Variants in SORCS2 observed in about 807,000 individuals in gnomAD.
SORCS2 encodes sortilin related VPS10 domain containing receptor 2.
Under a neutral mutation model 141.6 loss-of-function variants are expected in SORCS2, and 100 were observed. The observed-to-expected ratio is 0.71, with a 90% CI of 0.60 to 0.83. SORCS2 has a LOEUF of 0.83. Ranked by LOEUF, SORCS2 falls within the 40% of genes least tolerant of loss-of-function variation. SORCS2 has a pLI of 0.00. For synonymous variants in SORCS2, 789 were observed against 676.9 expected (o/e 1.17, Z -2.57); for missense variants, 1,646 against 1,560.2 (o/e 1.05, Z -0.93).
At chr4:7,277,921 G>T (rs1472531697) in intron 1 of SORCS2, among the ~76,000 whole-genome samples, 1 of 152,198 alleles carries the variant, frequency 6.6e-6, no homozygotes, top group East Asian at 1.9e-4. Flanking sequence ...GGGGGAGGCT[G>T]TACCCACTGG....
At chr4:7,306,077 G>C (rs910282068) in intron 1 of SORCS2, among the ~76,000 whole-genome samples, 2 of 152,210 alleles carry the variant, frequency 1.3e-5, no homozygotes, top group African/African-American at 2.4e-5. Flanking sequence ...GAGCTGGGGA[G>C]AGGCTAGTGG....
intron 2 of SORCS2, among the ~76,000 whole-genome samples, chr4:7,528,086 C>T (rs1733812061): frequency 7.0e-6 from 1 of 143,758 alleles, no homozygotes; most frequent in Non-Finnish European, 1.5e-5. Flanking sequence ...GCCAGCCTGT[C>T]ACCCCCATGA....
At chr4:7,371,214 C>A (rs764719159) in intron 1 of SORCS2, among the ~76,000 whole-genome samples, 1 of 152,130 alleles carries the variant, frequency 6.6e-6, no homozygotes, top group Non-Finnish European at 1.5e-5. Flanking sequence ...CTATGGGGAT[C>A]GTGCCCACGT....
chr4:7,707,244 C>T (rs1407942035), intron 14 of SORCS2, among the ~76,000 whole-genome samples: 2 of 152,218 alleles, frequency 1.3e-5, no homozygotes, highest in East Asian at 3.9e-4. Flanking sequence ...GGCAACACAG[C>T]ACACTCAGCC....
chr4:7,304,811 C>T (rs1471879445), intron 1 of SORCS2, among the ~76,000 whole-genome samples: 2 of 152,338 alleles, frequency 1.3e-5, no homozygotes, highest in South Asian at 2.1e-4. Flanking sequence ...AATCAAGCCC[C>T]ATTCATTGCT....
At chr4:7,422,011 AGG>A (rs1726104166) in intron 2 of SORCS2, among the ~76,000 whole-genome samples, 1 of 152,068 alleles carries the variant, frequency 6.6e-6, no homozygotes, top group African/African-American at 2.4e-5. Flanking sequence ...CTGAAGTGGG[AGG>A]GGTTGAACCA....
chr4:7,635,976 G>A (rs1419922149), intron 3 of SORCS2, among the ~76,000 whole-genome samples: 1 of 152,202 alleles, frequency 6.6e-6, no homozygotes, highest in Non-Finnish European at 1.5e-5. Context: ...GGCACTCCTT[G>A]CAGACTATTG....
intron 24 of SORCS2, 34 bp from the exon 25 acceptor site, chr4:7,734,238 C>T (rs375534300): frequency 1.4e-5 from 21 of 1,519,344 alleles, no homozygotes; most frequent in South Asian, 8.4e-5. Flanking sequence ...GGGCGGTGCC[C>T]GAGGTCCTCC....
At chr4:7,701,223 G>A (rs1402629988) in intron 12 of SORCS2, among the ~76,000 whole-genome samples, 2 of 151,856 alleles carry the variant, frequency 1.3e-5, no homozygotes, top group African/African-American at 4.8e-5. Flanking sequence ...GAAGGGGGAA[G>A]GGAGGGAGAG....
intron 1 of SORCS2, among the ~76,000 whole-genome samples, chr4:7,279,756 G>A (rs970812206): frequency 3.3e-5 from 5 of 152,206 alleles, no homozygotes; most frequent in African/African-American, 4.8e-5. Flanking sequence ...AGAAACAGAC[G>A]AAGGGAACAT....
At chr4:7,509,972 G>GT (rs1419224583) in intron 2 of SORCS2, among the ~76,000 whole-genome samples, 6 of 152,222 alleles carry the variant, frequency 3.9e-5, no homozygotes, top group Non-Finnish European at 8.8e-5. Context: ...ATTGCCATGA[G>GT]TAGAATAATC....
chr4:7,525,026 G>C (rs1051127315), intron 2 of SORCS2, among the ~76,000 whole-genome samples: 1 of 152,252 alleles, frequency 6.6e-6, no homozygotes, highest in Non-Finnish European at 1.5e-5. Context: ...CTCGGACACA[G>C]CGCGGGGAGA....
intron 2 of SORCS2, among the ~76,000 whole-genome samples, chr4:7,422,238 C>T (rs1726127292): frequency 6.6e-6 from 1 of 152,200 alleles, no homozygotes; most frequent in Admixed American, 6.5e-5. Flanking sequence ...GAGTGGGCCA[C>T]CTGGGCTGAT....
At position 7,240,769 on chromosome 4, in the gene SORCS2, G is replaced by C. The variant is rs142711686; in HGVS notation, c.480+47643G>C. On this transcript the variant is annotated intron_variant, in intron 1 of 26. Coordinates refer to ENST00000507866, the MANE Select transcript of SORCS2 (RefSeq NM_020777.3). ...AGAGTGACCATGACAGTGACAGTAAGAGCAACTGCCCGCTGTGGTGCTGTC... is the reference window on the plus strand; with the variant it reads ...AGAGTGACCATGACAGTGACAGTAACAGCAACTGCCCGCTGTGGTGCTGTC... Among the ~76,000 whole-genome samples, 279 of 152,290 alleles carry C rather than the reference G, an allele frequency of 1.8e-3. 1 individual carries two copies. The highest frequency in any genetic ancestry group is 6.2e-3 in the African/African-American group (259 of 41,570).
At chr4:7,721,176 G>T (rs143795213) in intron 18 of SORCS2, among the ~76,000 whole-genome samples, 509 of 152,310 alleles carry the variant, frequency 3.3e-3, no homozygotes, top group Non-Finnish European at 4.8e-3. Flanking sequence ...ATTAATACCT[G>T]CAGCAGGGCC....
intron 1 of SORCS2, among the ~76,000 whole-genome samples, chr4:7,238,117 T>C (rs1186807274): frequency 6.6e-6 from 1 of 152,162 alleles, no homozygotes; most frequent in Non-Finnish European, 1.5e-5. Context: ...ATGGTGGGAA[T>C]GAAGAGGCCA....
At chr4:7,433,933 A>G in intron 2 of SORCS2, 2 of 1,613,878 alleles carry the variant, frequency 1.2e-6, no homozygotes, top group Non-Finnish European at 1.7e-6. Flanking sequence ...ATGGGTGATC[A>G]TGAGCTCAGA....
intron 4 of SORCS2, among the ~76,000 whole-genome samples, chr4:7,647,449 G>A (rs946168466): frequency 3.9e-5 from 6 of 152,138 alleles, no homozygotes; most frequent in African/African-American, 1.4e-4. Flanking sequence ...TCAGCGTCAC[G>A]GGTGGAGCCT....
intron 1 of SORCS2, among the ~76,000 whole-genome samples, chr4:7,215,732 C>T (rs1728305633): frequency 1.3e-5 from 2 of 152,166 alleles, no homozygotes; most frequent in African/African-American, 2.4e-5. Context: ...GTGAGTGCAC[C>T]AATGGACACT....
Sources: allele counts gnomAD v4.1 joint callset (sites outside exome capture counted in the v4.1 genomes callset), GRCh38; gene constraint gnomAD v4.1.1; transcripts MANE v1.5; gene names NCBI Gene and HGNC (gene_info 2026-07-23, HGNC 2026-07-21).